Variants in KCNIP1 observed in about 807,000 individuals in gnomAD.
KCNIP1 encodes A-type potassium channel modulatory protein KCNIP1.
A neutral mutation model predicts 33.0 loss-of-function variants in KCNIP1; 18 were observed. The observed-to-expected ratio is 0.55, with a 90% CI of 0.38 to 0.81. KCNIP1 has a LOEUF of 0.81. Ranked by LOEUF, KCNIP1 falls within the 30% of genes least tolerant of loss-of-function variation. The pLI, the probability that KCNIP1 is intolerant of heterozygous loss-of-function variation, is 0.00. For missense variants in KCNIP1, 238 were observed against 271.6 expected (o/e 0.88, Z 0.87); for synonymous variants, 93 against 98.3 (o/e 0.95, Z 0.32).
chr5:170,600,970 A>G (rs1561710950), intron 1 of KCNIP1, among the ~76,000 whole-genome samples: 2 of 152,256 alleles, frequency 1.3e-5, no homozygotes. Context: ...GACAGACTTC[A>G]TATCAAATTC....
chr5:170,386,675 C>T (rs937110446), intron 1 of KCNIP1, among the ~76,000 whole-genome samples: 1 of 151,414 alleles, frequency 6.6e-6, no homozygotes, highest in Admixed American at 6.6e-5. Flanking sequence ...GGAGGTTTAC[C>T]ATATTCCGGT....
intron 1 of KCNIP1, among the ~76,000 whole-genome samples, chr5:170,671,468 C>T (rs1360808874): frequency 6.6e-6 from 1 of 152,198 alleles, no homozygotes; most frequent in Non-Finnish European, 1.5e-5. Context: ...AGCATCACTT[C>T]CTCAAGGAGG....
intron 1 of KCNIP1, among the ~76,000 whole-genome samples, chr5:170,693,398 T>C (rs1044268468): frequency 1.6e-4 from 24 of 152,212 alleles, no homozygotes; most frequent in African/African-American, 5.1e-4. Flanking sequence ...CCATCTGCTG[T>C]GCATCCTCTG....
chr5:170,698,560 A>G (rs1430670906), intron 1 of KCNIP1, among the ~76,000 whole-genome samples: 1 of 152,090 alleles, frequency 6.6e-6, no homozygotes, highest in East Asian at 1.9e-4. Context: ...AGCCCTAGGC[A>G]TGGGAAAATT....
At chr5:170,659,964 G>A (rs1761411773) in intron 1 of KCNIP1, among the ~76,000 whole-genome samples, 1 of 152,042 alleles carries the variant, frequency 6.6e-6, no homozygotes, top group South Asian at 2.1e-4. Context: ...TGCTTATTCT[G>A]GCCTATTTCC....
At chr5:170,533,587 G>C (rs1202116784) in intron 1 of KCNIP1, among the ~76,000 whole-genome samples, 2 of 152,182 alleles carry the variant, frequency 1.3e-5, no homozygotes, top group Non-Finnish European at 2.9e-5. Flanking sequence ...ACTATGCTCT[G>C]TCATTTACTT....
At chr5:170,684,274 G>T (rs1323987301) in intron 1 of KCNIP1, among the ~76,000 whole-genome samples, 1 of 152,142 alleles carries the variant, frequency 6.6e-6, no homozygotes, top group Non-Finnish European at 1.5e-5. Context: ...TACAAACTGG[G>T]TGGCTTAAAA....
intron 1 of KCNIP1, among the ~76,000 whole-genome samples, chr5:170,357,718 G>T (rs559141424): frequency 2.6e-5 from 4 of 152,134 alleles, no homozygotes; most frequent in African/African-American, 4.8e-5. Context: ...TATAGAGACA[G>T]GGTCTCACTA....
At chr5:170,571,586 G>A (rs1331026787) in intron 1 of KCNIP1, among the ~76,000 whole-genome samples, 1 of 152,194 alleles carries the variant, frequency 6.6e-6, no homozygotes, top group South Asian at 2.1e-4. Flanking sequence ...GCACTTGGTT[G>A]GGGTTACTTG....
intron 1 of KCNIP1, among the ~76,000 whole-genome samples, chr5:170,589,288 C>T (rs1359681212): frequency 1.3e-5 from 2 of 152,106 alleles, no homozygotes; most frequent in Admixed American, 6.5e-5. Context: ...CGTGAGGCAC[C>T]GCACCCAGCC....
chr5:170,386,492 C>A (rs779461377), intron 1 of KCNIP1, among the ~76,000 whole-genome samples: 3 of 152,158 alleles, frequency 2.0e-5, no homozygotes, highest in Non-Finnish European at 4.4e-5. Flanking sequence ...ATGCGGTGAG[C>A]GAGCAGTACA....
chr5:170,531,325 G>A (rs1755779152), intron 1 of KCNIP1, among the ~76,000 whole-genome samples: 1 of 152,190 alleles, frequency 6.6e-6, no homozygotes, highest in African/African-American at 2.4e-5. Flanking sequence ...TGATTCAGGA[G>A]TTTGGGGCTG....
intron 1 of KCNIP1, among the ~76,000 whole-genome samples, chr5:170,579,996 G>A (rs969930804): frequency 3.3e-5 from 5 of 151,676 alleles, no homozygotes; most frequent in Non-Finnish European, 7.4e-5. Context: ...CAAGTTTCTT[G>A]CAAGTTCACA....
intron 1 of KCNIP1, among the ~76,000 whole-genome samples, chr5:170,518,961 G>T (rs1355098437): frequency 6.6e-6 from 1 of 152,166 alleles, no homozygotes; most frequent in East Asian, 1.9e-4. Context: ...TGGCAGGAGG[G>T]ATTACAGAAG....
chr5:170,419,577 C>T (rs1050212241), intron 1 of KCNIP1, among the ~76,000 whole-genome samples: 4 of 152,220 alleles, frequency 2.6e-5, no homozygotes, highest in Admixed American at 2.6e-4. Context: ...AAGAGAAAGT[C>T]ACCATCTTCC....
intron 1 of KCNIP1, among the ~76,000 whole-genome samples, chr5:170,699,959 A>T (rs1211174505): frequency 6.6e-6 from 1 of 152,172 alleles, no homozygotes; most frequent in Non-Finnish European, 1.5e-5. Flanking sequence ...TAAAAATAAC[A>T]AGACTGTATT....
At chr5:170,440,396 G>T (rs1755962473) in intron 1 of KCNIP1, among the ~76,000 whole-genome samples, 1 of 152,198 alleles carries the variant, frequency 6.6e-6, no homozygotes. Flanking sequence ...CCAGAGCAGG[G>T]TCTCAGTTAT....
At chr5:170,735,043 C>T (rs1764333578) in intron 7 of KCNIP1, among the ~76,000 whole-genome samples, 1 of 152,226 alleles carries the variant, frequency 6.6e-6, no homozygotes, top group Non-Finnish European at 1.5e-5. Context: ...CCCAGCTGAA[C>T]TTTCCAGCTG....
At chr5:170,362,178 T>C (rs1763531238) in intron 1 of KCNIP1, among the ~76,000 whole-genome samples, 1 of 152,098 alleles carries the variant, frequency 6.6e-6, no homozygotes, top group Non-Finnish European at 1.5e-5. Flanking sequence ...CACTTACAGA[T>C]ATAAAGAGCG....
Sources: gnomAD v4.1 joint callset for allele counts (sites outside exome capture counted in the v4.1 genomes callset) on GRCh38, gnomAD v4.1.1 for gene constraint, MANE v1.5 for transcripts, NCBI Gene and HGNC (gene_info 2026-07-23, HGNC 2026-07-21) for gene names.